LIN28B: variants seen among roughly 807,000 people sequenced by gnomAD.
The protein encoded by LIN28B is lin-28 RNA binding posttranscriptional regulator B, also known as protein lin-28 homolog B.
In LIN28B, 5 loss-of-function variants were observed where a neutral mutation model predicts 21.9. That is an observed-to-expected ratio of 0.23 (90% CI 0.12 to 0.48). The LOEUF is 0.48. Ranked by LOEUF, LIN28B falls within the 20% of genes least tolerant of loss-of-function variation. The pLI is 0.98. For missense variants in LIN28B, 245 were observed against 310.5 expected, an observed-to-expected ratio of 0.79 and a Z score of 1.58; for synonymous variants, 109 against 111.3, an observed-to-expected ratio of 0.98 and a Z score of 0.13.
intron 2 of LIN28B, among the ~76,000 whole-genome samples, chr6:104,989,297 G>A (rs1770410810): frequency 6.6e-6 from 1 of 152,102 alleles, no homozygotes. Context: ...TCGGCTTACT[G>A]CAACCTCCAC....
intron 2 of LIN28B, among the ~76,000 whole-genome samples, chr6:104,992,040 T>C (rs1365902457): frequency 6.6e-6 from 1 of 151,246 alleles, no homozygotes; most frequent in African/African-American, 2.4e-5. Context: ...TTTAGTCTTT[T>C]AATTGGAGTC....
chr6:104,984,684 C>A (rs1562081500), intron 2 of LIN28B, among the ~76,000 whole-genome samples: 1 of 152,068 alleles, frequency 6.6e-6, no homozygotes, highest in Non-Finnish European at 1.5e-5. Context: ...AGTCCTCTCA[C>A]CTTGGCCTCC....
intron 3 of LIN28B, among the ~76,000 whole-genome samples, chr6:105,026,742 G>A (rs1361466942): frequency 1.3e-5 from 2 of 152,124 alleles, no homozygotes; most frequent in African/African-American, 4.8e-5. Flanking sequence ...CAGTTGAGGA[G>A]TTGAAGTTCC....
intron 2 of LIN28B, among the ~76,000 whole-genome samples, chr6:104,987,055 C>G (rs1011103596): frequency 3.3e-5 from 5 of 152,286 alleles, no homozygotes; most frequent in African/African-American, 1.2e-4. Context: ...AGTTTAGAGA[C>G]TCATCTCTAC....
chr6:105,041,910 G>A (rs1349014088), intron 3 of LIN28B, among the ~76,000 whole-genome samples: 1 of 152,124 alleles, frequency 6.6e-6, no homozygotes, highest in Non-Finnish European at 1.5e-5. Flanking sequence ...GATGTGGGAA[G>A]AAATCTGTTG....
chr6:105,082,808 T>C lies in LIN28B; in HGVS notation c.*4025T>C, dbSNP rs1772564898. The C allele has an allele frequency of 6.6e-6, 1 of 152,644 alleles. No homozygotes were observed. Among genetic ancestry groups the C allele is most frequent in the South Asian group, 2.1e-4 (1 of 4,836 alleles). 9.5% of individuals were successfully genotyped at this position (152,644 alleles called of 1,614,324 possible). The stretch of plus-strand genomic sequence containing the variant: ...TAAAGTACTGTACTGTGAGAAGTAT[T>C]ATGATATTTAATGCATCTGTGGCTT... On this transcript the variant is annotated 3_prime_UTR_variant, in exon 4 of 4. Transcript: ENST00000345080.
intron 2 of LIN28B, among the ~76,000 whole-genome samples, chr6:105,000,776 A>G (rs75773238): frequency 2.0e-5 from 3 of 152,296 alleles, no homozygotes; most frequent in Non-Finnish European, 2.9e-5. Context: ...GTTGACATAT[A>G]TTCACTCATC....
At chr6:104,977,217 A>T (rs953973459) in intron 2 of LIN28B, among the ~76,000 whole-genome samples, 1 of 152,092 alleles carries the variant, frequency 6.6e-6, no homozygotes, top group Non-Finnish European at 1.5e-5. Flanking sequence ...GCTTTGTCAA[A>T]TAGGACCTGC....
chr6:104,937,571 A>G (rs1386737381), intron 2 of LIN28B, among the ~76,000 whole-genome samples: 1 of 152,008 alleles, frequency 6.6e-6, no homozygotes, highest in Admixed American at 6.6e-5. Flanking sequence ...GGCCAACTCT[A>G]TTTTTCAAAT....
chr6:105,020,454 C>T (rs1008106337), intron 2 of LIN28B, among the ~76,000 whole-genome samples: 19 of 151,368 alleles, frequency 1.3e-4, no homozygotes, highest in South Asian at 2.1e-4. Flanking sequence ...GTAGCTGGGA[C>T]GTCAAGTGTG....
chr6:104,964,483 G>A (rs1769816554), intron 2 of LIN28B, among the ~76,000 whole-genome samples: 1 of 152,140 alleles, frequency 6.6e-6, no homozygotes, highest in South Asian at 2.1e-4. Flanking sequence ...AAGACTATCA[G>A]TTCTTTATAC....
intron 3 of LIN28B, among the ~76,000 whole-genome samples, chr6:105,046,703 A>G (rs1051029991): frequency 1.4e-4 from 22 of 151,868 alleles, no homozygotes; most frequent in African/African-American, 2.7e-4. Flanking sequence ...TTTAATGATC[A>G]CCATTCTAAC....
chr6:105,033,120 G>A (rs1018128950), intron 3 of LIN28B, among the ~76,000 whole-genome samples: 1 of 152,130 alleles, frequency 6.6e-6, no homozygotes, highest in African/African-American at 2.4e-5. Flanking sequence ...TATATAAAGT[G>A]TAAGGCCTAG....
chr6:105,038,480 G>C (rs1771568617), intron 3 of LIN28B, among the ~76,000 whole-genome samples: 1 of 152,170 alleles, frequency 6.6e-6, no homozygotes. Flanking sequence ...ACCAGAGAGA[G>C]AACAGCTGGG....
rs547656750 is a variant in LIN28B, at chr6:105,060,524, T to G, written c.384-17890T>G. Among the ~76,000 whole-genome samples, 23 of 152,294 alleles carry G rather than the reference T, an allele frequency of 1.5e-4. No individual in the cohort carries two copies. In the South Asian group the frequency reaches 4.8e-3, roughly 32 times the overall value. ...TGGTGACTGAGTGGTATGAGCAGAC[T>G]GATAGATGCACCTGGAGTATCAGTT... On this transcript the variant is annotated intron_variant, in intron 3 of 3. Coordinates refer to ENST00000345080, the MANE Select transcript of LIN28B (RefSeq NM_001004317.4).
At chr6:105,000,472 A>C (rs1306067986) in intron 2 of LIN28B, among the ~76,000 whole-genome samples, 3 of 152,154 alleles carry the variant, frequency 2.0e-5, no homozygotes, top group African/African-American at 7.2e-5. Flanking sequence ...TCACTTATAA[A>C]TACCTTTAAA....
chr6:105,058,946 A>G (rs1772075500), intron 3 of LIN28B, among the ~76,000 whole-genome samples: 2 of 152,278 alleles, frequency 1.3e-5, no homozygotes, highest in South Asian at 4.1e-4. Context: ...ATGGCTTTGG[A>G]AAGGGCTGCT....
intron 2 of LIN28B, chr6:104,941,590 T>C (rs1778095400): frequency 6.6e-6 from 1 of 151,246 alleles, no homozygotes; most frequent in Admixed American, 6.6e-5. Flanking sequence ...CCAGAGGGCG[T>C]GCGCACCTCC....
intron 2 of LIN28B, among the ~76,000 whole-genome samples, chr6:104,979,959 G>C (rs1476973504): frequency 1.3e-5 from 2 of 152,100 alleles, no homozygotes; most frequent in Non-Finnish European, 1.5e-5. Flanking sequence ...CACCTGGTTT[G>C]AGAAGAAAAA....
Sources: allele counts gnomAD v4.1 joint callset (sites outside exome capture counted in the v4.1 genomes callset), GRCh38; gene constraint gnomAD v4.1.1; transcripts MANE v1.5; gene names NCBI Gene and HGNC (gene_info 2026-07-23, HGNC 2026-07-21).